The following CHDH variants were observed in gnomAD, a reference collection of about 807,000 sequenced individuals.
CHDH encodes the protein choline dehydrogenase, mitochondrial.
In CHDH, 43 loss-of-function variants were observed where a neutral mutation model predicts 56.9. The ratio of observed to expected loss-of-function variants is 0.76; its 90% CI spans 0.59 to 0.97. The LOEUF is 0.97. CHDH is among the 50% of genes least tolerant of loss of function. The pLI, the probability that CHDH is intolerant of heterozygous loss-of-function variation, is 0.00. For synonymous variants in CHDH, 364 were observed against 348.5 expected (o/e 1.04, Z -0.50); for missense variants, 816 against 821.1 (o/e 0.99, Z 0.08).
At chr3:53,832,908 G>A (rs757415660) in intron 2 of CHDH, among the ~76,000 whole-genome samples, 7 of 152,190 alleles carry the variant, frequency 4.6e-5, no homozygotes, top group Non-Finnish European at 2.9e-5. Context: ...ACTGAATTAC[G>A]CTTACAATGG....
rs754767853 is a variant in CHDH, at chr3:53,823,374, G to A, written c.635C>T (p.Pro212Leu). ...FLEATQQAGY[P>L]LTEDMNGFQQ... ...GAAGCCATTCATGTCCTCGGTGAGCGGGTAGCCGGCCTGCTGCGTGGCCTC... is the reference window on the plus strand; with the variant it reads ...GAAGCCATTCATGTCCTCGGTGAGCAGGTAGCCGGCCTGCTGCGTGGCCTC... The change falls in exon 3 of 9, where the codon CCG becomes CTG. Residue 212 changes from proline to leucine, a missense_variant. By Grantham distance (98) the Pro-to-Leu change is moderately conservative. Transcript: ENST00000315251. The A allele has an allele frequency of 8.3e-5, 134 of 1,605,338 alleles. No homozygotes were observed. The highest frequency in any genetic ancestry group is 1.1e-4 in the Non-Finnish European group (126 of 1,175,478).
At chr3:53,820,662 T>G (rs2095624544) in intron 5 of CHDH, 54 bp from the exon 6 acceptor site, 3 of 1,575,082 alleles carry the variant, frequency 1.9e-6, no homozygotes, top group Non-Finnish European at 2.6e-6. Flanking sequence ...CTCAGCTGCT[T>G]CTCAATATCC....
At position 53,816,125 on chromosome 3, in the gene CHDH, T is replaced by C. The variant is rs1443491555; in HGVS notation, c.*1652A>G. 7.7e-6 allele frequency: 1 copy of C among 130,096 alleles called. No homozygotes were observed. Among genetic ancestry groups the C allele is most frequent in the Admixed American group, 8.3e-5 (1 of 12,120 alleles). The allele number at this position is 130,096 out of a possible 1,614,324, so 8.1% of individuals were successfully genotyped here. A position where few individuals can be genotyped will look rare whatever the true frequency, so the allele number is the denominator to read the frequency against. On this transcript the variant is annotated 3_prime_UTR_variant, in exon 9 of 9. Transcript: ENST00000315251. ...TTTTCTCAGAAAACTAACTTGTGGC[T>C]GTCGGACGCCCCCCCCCCCCGCCCC...
At chr3:53,823,024 G>GAGTT (rs1024399641) in intron 3 of CHDH, among the ~76,000 whole-genome samples, 5 of 152,280 alleles carry the variant, frequency 3.3e-5, no homozygotes, top group East Asian at 3.9e-4. Flanking sequence ...GTCCCTAGAG[G>GAGTT]AGTTAGGCTC....
In CHDH at chr3:53,814,213, G is replaced by A. The variant is rs117104873; in HGVS notation, c.*3564C>T. On this transcript the variant is annotated 3_prime_UTR_variant, in exon 9 of 9. Coordinates refer to ENST00000315251, the MANE Select transcript of CHDH (RefSeq NM_018397.5). ...TTCACCTTGTGTACTTCTCAGCATC[G>A]TAAGTGTCTTTGCCAATTGCATTTC... The A allele has an allele frequency of 5.3e-5, 8 of 152,316 alleles. No homozygotes were observed. Among genetic ancestry groups the A allele is most frequent in the East Asian group, 3.9e-4 (2 of 5,178 alleles). The allele number at this position is 152,316 out of a possible 1,614,324, so 9.4% of individuals were successfully genotyped here.
intron 2 of CHDH, among the ~76,000 whole-genome samples, chr3:53,837,064 T>C (rs1698519729): frequency 6.6e-6 from 1 of 152,092 alleles, no homozygotes; most frequent in African/African-American, 2.4e-5. Context: ...CACGGTGGTG[T>C]GTACCTATAG....
chr3:53,822,728 G>A, intron 3 of CHDH, 86 bp from the exon 4 acceptor site: 1 of 1,489,436 alleles, frequency 6.7e-7, no homozygotes, highest in Non-Finnish European at 9.1e-7. Flanking sequence ...AAGAAAGAGT[G>A]GATATGCCCA....
rs2095615547 is a variant in CHDH at position 53,816,140 on chromosome 3, C to CCCCCCCCCCCCCCCCCCCCCCCCT, written c.*1636_*1637insAGGGGGGGGGGGGGGGGGGGGGGG. On this transcript the variant is annotated 3_prime_UTR_variant, in exon 9 of 9. Transcript: ENST00000315251. ...AACTTGTGGCTGTCGGACGCCCCCC[C>CCCCCCCCCCCCCCCCCCCCCCCCT]CCCCCGCCCCAGTCTGTAAGCCGCC... is the stretch of plus-strand genomic sequence containing the variant. 1 of 120,762 alleles carries CCCCCCCCCCCCCCCCCCCCCCCCT rather than the reference C, an allele frequency of 8.3e-6. No homozygotes were observed. The highest frequency in any genetic ancestry group is 3.4e-5 in the African/African-American group (1 of 29,218). The allele number at this position is 120,762 out of a possible 1,614,324, so 7.5% of individuals were successfully genotyped here.
Position 53,823,582 on chromosome 3 carries a change from G to T in CHDH, c.427C>A (p.His143Asn). ...TGCCAGCGCTCGTAGTCCTCGGCGT[G>T]CCCACGGACGTAGACCATGGCATTG... is the stretch of plus-strand genomic sequence containing the variant. ...SLNAMVYVRG[H>N]AEDYERWQRQ... Residue 143 changes from histidine (H) to asparagine (N), a missense_variant, in exon 3 of 9, where the codon CAC becomes AAC. By Grantham distance (68) the His-to-Asn change is moderately conservative. Coordinates refer to ENST00000315251, the MANE Select transcript of CHDH (RefSeq NM_018397.5). 6.5e-7 allele frequency: 1 copy of T among 1,543,500 alleles called. No homozygotes were observed. The highest frequency in any genetic ancestry group is 2.4e-5 in the East Asian group (1 of 40,852).
chr3:53,818,924 G>C lies in CHDH; in HGVS notation c.1366+14C>G, dbSNP rs765036672. The C allele has an allele frequency of 5.9e-6, 9 of 1,530,024 alleles. 2 individuals carry two copies. The South Asian group carries it at 1.0e-4, about 17-fold the overall frequency. The allele number at this position is 1,530,024 out of a possible 1,614,324, so 94.8% of individuals were successfully genotyped here. A position where few individuals can be genotyped will look rare whatever the true frequency, so the allele number is the denominator to read the frequency against. On this transcript the variant is annotated intron_variant, in intron 8 of 8. Coordinates refer to ENST00000315251, the MANE Select transcript of CHDH (RefSeq NM_018397.5). Reference sequence around the variant, plus strand: ...GTTTGTTCAAGCCCAGGAAGACACAGGTGGGTGAAGTACCTGTTGACAAGT... The same window carrying C: ...GTTTGTTCAAGCCCAGGAAGACACACGTGGGTGAAGTACCTGTTGACAAGT...
At chr3:53,829,099 C>A (rs1698250528) in intron 2 of CHDH, among the ~76,000 whole-genome samples, 1 of 152,002 alleles carries the variant, frequency 6.6e-6, no homozygotes, top group Admixed American at 6.6e-5. Flanking sequence ...CATGAAAAAA[C>A]AAGGAGGAAA....
chr3:53,821,581 A>G (rs2095626574), intron 5 of CHDH, 66 bp downstream of exon 5: 1 of 1,419,612 alleles, frequency 7.0e-7, no homozygotes, highest in Non-Finnish European at 9.9e-7. Context: ...TGCTAATAAG[A>G]TACATACACT....
Position 53,817,798 on chromosome 3 carries a change from C to A in CHDH, c.1764G>T (p.Arg588Ser). The A allele has an allele frequency of 6.2e-7, 1 of 1,609,878 alleles. No individual in the cohort carries two copies. The highest frequency in any genetic ancestry group is 2.2e-5 in the East Asian group (1 of 44,852). ...WDKDVPVYKP[R>S]TLATQR ...TGTCTTAGCGCTGGGTGGCCAGCGT[C>A]CTGGGCTTGTAGACAGGGACATCTT... Residue 588 changes from arginine (R) to serine (S), a missense_variant, in exon 9 of 9, where the codon AGG becomes AGT. Transcript: ENST00000315251.
rs2095617785 is a variant in CHDH at position 53,817,450 on chromosome 3, A to C, written c.*327T>G. On this transcript the variant is annotated 3_prime_UTR_variant, in exon 9 of 9. Coordinates refer to ENST00000315251, the MANE Select transcript of CHDH (RefSeq NM_018397.5). ...AGGAACCACTGCCCTGGGTTAGAGA[A>C]TGCCACGTGAACACAAGAAAAAGGA... 2 of 304,144 alleles carry C rather than the reference A, an allele frequency of 6.6e-6. No homozygotes were observed. Among genetic ancestry groups the C allele is most frequent in the South Asian group, 6.6e-5 (1 of 15,120 alleles). The allele number at this position is 304,144 out of a possible 1,614,324, so 18.8% of individuals were successfully genotyped here.
At position 53,840,851 on chromosome 3, in the gene CHDH, C is replaced by T. The variant is rs1243102799; in HGVS notation, c.-60+78G>A. On this transcript the variant is annotated intron_variant, in intron 2 of 8. Transcript: ENST00000315251. ...TTCCCCAGAAGTTTGGGGTGTTCTG[C>T]AAATGCTCATTGCCAGCTTCCTTTT... 3 of 152,216 alleles carry T rather than the reference C, an allele frequency of 2.0e-5. No homozygotes were observed. The East Asian group carries it at 5.8e-4, about 29-fold the overall frequency. 9.4% of individuals were successfully genotyped at this position (152,216 alleles called of 1,614,324 possible). A position where few individuals can be genotyped will look rare whatever the true frequency, so the allele number is the denominator to read the frequency against.
At chr3:53,822,446 A>C (rs747347588) in intron 4 of CHDH, 45 bp downstream of exon 4, 46 of 1,563,368 alleles carry the variant, frequency 2.9e-5, no homozygotes, top group Non-Finnish European at 4.0e-5. Context: ...CACCAGGGTC[A>C]CTGCCCACCC....
intron 1 of CHDH, among the ~76,000 whole-genome samples, chr3:53,842,206 G>A (rs1282194063): frequency 6.6e-6 from 1 of 151,906 alleles, no homozygotes; most frequent in East Asian, 1.9e-4. Context: ...GTTCACAGCT[G>A]GCCTGAGTTT....
Position 53,822,595 on chromosome 3 carries a change from G to C in CHDH, c.751C>G (p.Arg251Gly). The C allele has an allele frequency of 6.2e-7, 1 of 1,612,430 alleles. No individual in the cohort carries two copies. The highest frequency in any genetic ancestry group is 8.5e-7 in the Non-Finnish European group (1 of 1,179,990). The change falls in exon 4 of 9, where the codon CGC becomes GGC. Residue 251 changes from arginine to glycine, a missense_variant. Transcript: ENST00000315251. ...ACAYLHPALS[R>G]TNLKAEAETL... ...TCGGCCTCGGCCTTGAGGTTGGTGC[G>C]GCTCAGTGCTGGGTGCAGGTAGGCA... is the stretch of plus-strand genomic sequence containing the variant.
intron 2 of CHDH, among the ~76,000 whole-genome samples, chr3:53,839,397 G>A (rs1360623501): frequency 1.3e-5 from 2 of 152,346 alleles, no homozygotes; most frequent in Non-Finnish European, 1.5e-5. Flanking sequence ...GGATAAATGA[G>A]AGAGAGATGA....
Sources: gnomAD v4.1 joint callset for allele counts (sites outside exome capture counted in the v4.1 genomes callset) on GRCh38, gnomAD v4.1.1 for gene constraint, MANE v1.5 for transcripts, NCBI Gene and HGNC (gene_info 2026-07-23, HGNC 2026-07-21) for gene names.